NELL2: variants seen among roughly 807,000 people sequenced by gnomAD.
The protein encoded by NELL2 is protein kinase C-binding protein NELL2.
In NELL2, 41 loss-of-function variants were observed where a neutral mutation model predicts 109.6. The observed-to-expected ratio is 0.37, with a 90% CI of 0.29 to 0.49. NELL2 has a LOEUF of 0.49. Among genes scored for constraint, NELL2 ranks in the 20% least tolerant of loss-of-function variants. The pLI, the probability that NELL2 is intolerant of heterozygous loss-of-function variation, is 0.98. For missense variants in NELL2, 900 were observed against 1,008.3 expected (o/e 0.89, Z 1.45); for synonymous variants, 355 against 344.7 (o/e 1.03, Z -0.33).
intron 3 of NELL2, among the ~76,000 whole-genome samples, chr12:44,796,931 G>C (rs2077563579): frequency 6.6e-6 from 1 of 151,910 alleles, no homozygotes; most frequent in African/African-American, 2.4e-5. Flanking sequence ...TTAATGATGA[G>C]GCCAGCAAAA....
At position 44,508,831 on chromosome 12, in the gene NELL2, C is replaced by A; in HGVS notation, c.*103G>T. On this transcript the variant is annotated 3_prime_UTR_variant, in exon 20 of 20. Coordinates refer to ENST00000429094, the MANE Select transcript of NELL2 (RefSeq NM_001145108.2). Reference sequence around the variant, plus strand: ...GTTCACTCAGCTATTAACAAAGCTGCATTTAGCTGCCCACAAATCACCCAA... The same window carrying A: ...GTTCACTCAGCTATTAACAAAGCTGAATTTAGCTGCCCACAAATCACCCAA... 1.1e-6 allele frequency: 1 copy of A among 932,504 alleles called. No homozygotes were observed. The highest frequency in any genetic ancestry group is 1.7e-6 in the Non-Finnish European group (1 of 592,504). The allele number at this position is 932,504 out of a possible 1,614,324, so 57.8% of individuals were successfully genotyped here. A position where few individuals can be genotyped will look rare whatever the true frequency, so the allele number is the denominator to read the frequency against.
intron 11 of NELL2, among the ~76,000 whole-genome samples, chr12:44,708,135 T>C (rs1937988468): frequency 6.6e-6 from 1 of 152,186 alleles, no homozygotes; most frequent in Admixed American, 6.5e-5. Flanking sequence ...TAAATCAGAA[T>C]CCTCACTGAA....
chr12:44,786,125 T>C (rs1046863075), intron 3 of NELL2, among the ~76,000 whole-genome samples: 14 of 151,928 alleles, frequency 9.2e-5, no homozygotes, highest in African/African-American at 3.4e-4. Flanking sequence ...TGGCATTCTA[T>C]CCATCTGACA....
intron 3 of NELL2, among the ~76,000 whole-genome samples, chr12:44,791,161 A>T (rs1942404447): frequency 9.8e-6 from 1 of 102,422 alleles, no homozygotes; most frequent in East Asian, 2.9e-4. Context: ...ACACACACAC[A>T]CACACATATA....
chr12:44,548,281 G>C, intron 15 of NELL2, among the ~76,000 whole-genome samples: 1 of 152,022 alleles, frequency 6.6e-6, no homozygotes, highest in East Asian at 1.9e-4. Flanking sequence ...GTAGATTTAA[G>C]AACATAACAT....
intron 1 of NELL2, among the ~76,000 whole-genome samples, chr12:44,919,725 C>A: frequency 6.6e-6 from 1 of 152,140 alleles, no homozygotes; most frequent in East Asian, 1.9e-4. Flanking sequence ...CTCCCACAGC[C>A]CTTGGAAGGA....
Position 44,797,908 on chromosome 12 carries a change from T to C in NELL2, c.336-17886A>G, listed in dbSNP as rs180857209. 9.8e-3 allele frequency among the ~76,000 whole-genome samples: 625 copies of C among 63,598 alleles called. 19 individuals are homozygous for C. Among genetic ancestry groups the C allele is most frequent in the African/African-American group, 0.024 (575 of 24,126 alleles). The allele number at this position is 63,598 out of a possible 152,430, so 41.7% of individuals were successfully genotyped here. On this transcript the variant is annotated intron_variant, in intron 3 of 19. Transcript: ENST00000429094. ...TGGAATAAAACCATTCCATCCTAGA[T>C]GGAATGATGGAATAAAACCATTCCA...
chr12:44,766,229 C>T (rs2897837), intron 9 of NELL2, among the ~76,000 whole-genome samples: 53,871 of 152,068 alleles, frequency 0.35, 10,032 homozygotes, highest in Non-Finnish European at 0.42. Flanking sequence ...TCTATAATAA[C>T]TTTATACCAT....
intron 1 of NELL2, among the ~76,000 whole-genome samples, chr12:44,889,346 C>T (rs1368408922): frequency 6.6e-6 from 1 of 151,910 alleles, no homozygotes. Flanking sequence ...GACTTACTGG[C>T]TTATCATATG....
intron 13 of NELL2, among the ~76,000 whole-genome samples, chr12:44,632,905 C>T (rs1566054752): frequency 6.6e-6 from 1 of 151,796 alleles, no homozygotes; most frequent in Non-Finnish European, 1.5e-5. Flanking sequence ...AATGCTATAA[C>T]TAGGCCATAG....
intron 9 of NELL2, among the ~76,000 whole-genome samples, chr12:44,742,006 T>C (rs1244559508): frequency 6.6e-6 from 1 of 152,200 alleles, no homozygotes; most frequent in Non-Finnish European, 1.5e-5. Flanking sequence ...ACTGGCAGAC[T>C]GCCTCCTCAA....
At chr12:44,821,296 T>C (rs1011091305) in intron 2 of NELL2, among the ~76,000 whole-genome samples, 4 of 152,110 alleles carry the variant, frequency 2.6e-5, no homozygotes, top group Non-Finnish European at 2.9e-5. Context: ...AGAGGTATAA[T>C]GGGGATGACA....
At chr12:44,690,749 T>A (rs1948873360) in intron 12 of NELL2, among the ~76,000 whole-genome samples, 1 of 152,278 alleles carries the variant, frequency 6.6e-6, no homozygotes, top group Non-Finnish European at 1.5e-5. Context: ...ACACCTATTA[T>A]ATGCATGGTA....
chr12:44,875,514 C>G (rs774141920), intron 1 of NELL2, 161 bp from the exon 2 acceptor site: 1 of 1,614,010 alleles, frequency 6.2e-7, no homozygotes, highest in South Asian at 1.1e-5. Flanking sequence ...TACCTGAGAT[C>G]AGCAGCCAAG....
chr12:44,622,407 T>C (rs1946093293), intron 13 of NELL2, among the ~76,000 whole-genome samples: 1 of 152,098 alleles, frequency 6.6e-6, no homozygotes, highest in East Asian at 1.9e-4. Flanking sequence ...CTAGTGAAAA[T>C]CTCTGCTGGA....
intron 15 of NELL2, among the ~76,000 whole-genome samples, chr12:44,577,466 T>G (rs1245504330): frequency 2.7e-5 from 2 of 74,432 alleles, no homozygotes; most frequent in Non-Finnish European, 5.0e-5. Context: ...AGATGAGTAG[T>G]TTTTTTTTTT....
rs61158046 is a variant in NELL2, at chr12:44,888,381, G to GTTTT, written c.39-12485_39-12482dup. 2.7e-3 allele frequency among the ~76,000 whole-genome samples: 373 copies of GTTTT among 136,498 alleles called. 5 individuals are homozygous for GTTTT. The highest frequency in any genetic ancestry group is 9.4e-3 in the African/African-American group (341 of 36,462). 89.5% of individuals were successfully genotyped at this position (136,498 alleles called of 152,430 possible). ...TAATTCTGTGATGAATGAACAGTTG[G>GTTTT]TTTTTTTTTTTTTTTTGAAAGTTAA... On this transcript the variant is annotated intron_variant, in intron 1 of 20. Coordinates refer to the NELL2 transcript ENST00000333837.
intron 2 of NELL2, among the ~76,000 whole-genome samples, chr12:44,836,380 G>A (rs1349834980): frequency 6.6e-6 from 1 of 152,188 alleles, no homozygotes; most frequent in Non-Finnish European, 1.5e-5. Context: ...TGCTGACATA[G>A]GCCACCATTT....
At chr12:44,600,670 T>C (rs1565997859) in intron 15 of NELL2, among the ~76,000 whole-genome samples, 1 of 152,212 alleles carries the variant, frequency 6.6e-6, no homozygotes, top group South Asian at 2.1e-4. Context: ...ACACCCAGAC[T>C]TTTACAAATT....
Sources: gnomAD v4.1 joint callset for allele counts (sites outside exome capture counted in the v4.1 genomes callset) on GRCh38, gnomAD v4.1.1 for gene constraint, MANE v1.5 for transcripts, NCBI Gene and HGNC (gene_info 2026-07-23, HGNC 2026-07-21) for gene names.